The following CLVS2 variants were observed in gnomAD, a reference collection of about 807,000 sequenced individuals.
CLVS2 encodes clavesin 2.
Under a neutral mutation model 29.0 loss-of-function variants are expected in CLVS2, and 19 were observed. The ratio of observed to expected loss-of-function variants is 0.66; its 90% CI spans 0.46 to 0.96. The LOEUF (loss-of-function observed/expected upper bound fraction) is 0.96. CLVS2 is among the 40% of genes least tolerant of loss of function. The pLI, the probability that CLVS2 is intolerant of heterozygous loss-of-function variation, is 0.00. For missense variants in CLVS2, 294 were observed against 404.1 expected (o/e 0.73, Z 2.34); for synonymous variants, 161 against 151.3 (o/e 1.06, Z -0.47).
intron 3 of CLVS2, among the ~76,000 whole-genome samples, chr6:123,025,885 A>G (rs1159211599): frequency 2.0e-5 from 3 of 152,086 alleles, no homozygotes; most frequent in Admixed American, 1.3e-4. Context: ...TGCTCCTGAG[A>G]TCACTCCCTG....
intron 3 of CLVS2, among the ~76,000 whole-genome samples, chr6:123,041,292 G>A (rs143369461): frequency 3.6e-4 from 55 of 152,202 alleles, no homozygotes; most frequent in African/African-American, 1.3e-3. Context: ...CCAAAGCAAT[G>A]CAGCCAAATC....
At position 122,998,722 on chromosome 6, in the gene CLVS2, C is replaced by G. The variant is rs144165735; in HGVS notation, c.389+556C>G. Among the ~76,000 whole-genome samples, 370 of 152,228 alleles carry G rather than the reference C, an allele frequency of 2.4e-3. 4 individuals are homozygous for G. Among genetic ancestry groups the G allele is most frequent in the Non-Finnish European group, 6.2e-4 (42 of 68,022 alleles). On this transcript the variant is annotated intron_variant, in intron 2 of 5. Coordinates refer to ENST00000275162, the MANE Select transcript of CLVS2 (RefSeq NM_001010852.4). ...GAAGAAGGAATAATATGATTTGTGT[C>G]CCTTCAGTGAAAGGAAGAGTTGCAT...
intron 3 of CLVS2, among the ~76,000 whole-genome samples, chr6:123,046,395 C>T (rs888473838): frequency 6.6e-6 from 1 of 152,096 alleles, no homozygotes; most frequent in African/African-American, 2.4e-5. Context: ...TGCAGTAGCT[C>T]ACGCCTGTAA....
At chr6:123,017,113 T>C (rs1030475266) in intron 3 of CLVS2, among the ~76,000 whole-genome samples, 4 of 147,674 alleles carry the variant, frequency 2.7e-5, no homozygotes, top group African/African-American at 1.0e-4. Context: ...TGTGTGTGTG[T>C]GTGCGTAAGA....
intron 3 of CLVS2, among the ~76,000 whole-genome samples, chr6:123,048,149 A>T (rs1772543782): frequency 1.3e-5 from 2 of 152,118 alleles, no homozygotes; most frequent in Admixed American, 1.3e-4. Context: ...AGATAAAGAG[A>T]ATAAAATGAG....
chr6:122,997,804 C>A lies in CLVS2; in HGVS notation c.27C>A (p.Ser9=). The A allele has an allele frequency of 6.2e-7, 1 of 1,614,034 alleles. No individual in the cohort carries two copies. The highest frequency in any genetic ancestry group is 8.5e-7 in the Non-Finnish European group (1 of 1,180,014). MTHLQAGL[S]PETLEKARLE... is the part of the protein sequence containing the mutation. ...TGACTCATTTGCAAGCCGGTCTCTC[C>A]CCTGAGACCCTGGAGAAAGCTCGCC... Residue 9 remains serine, a synonymous_variant, in exon 2 of 6, where the codon TCC becomes TCA. Coordinates refer to ENST00000275162, the MANE Select transcript of CLVS2 (RefSeq NM_001010852.4).
rs1310609786 is a variant in CLVS2 at position 123,071,877 on chromosome 6, A to G, written c.*8116A>G. The G allele has an allele frequency of 6.6e-6, 1 of 152,040 alleles. No individual in the cohort carries two copies. Among genetic ancestry groups the G allele is most frequent in the East Asian group, 1.9e-4 (1 of 5,188 alleles). 9.4% of individuals were successfully genotyped at this position (152,040 alleles called of 1,614,324 possible). ...TGAAAATTTATAGCTGTGACACAAG[A>G]TGATAGAAATTGCTCATGCTCACAT... On this transcript the variant is annotated 3_prime_UTR_variant, in exon 6 of 6. Transcript: ENST00000275162.
In CLVS2 at chr6:123,071,068, T is replaced by C. The variant is rs1772940789; in HGVS notation, c.*7307T>C. ...TTATCACCTGATACACCATACAGAT[T>C]ATTTATTTACTTTGCATTTCCCCCC... is the stretch of plus-strand genomic sequence containing the variant. On this transcript the variant is annotated 3_prime_UTR_variant, in exon 6 of 6. Coordinates refer to ENST00000275162, the MANE Select transcript of CLVS2 (RefSeq NM_001010852.4). The C allele has an allele frequency of 1.3e-5, 2 of 152,110 alleles. No homozygotes were observed. The highest frequency in any genetic ancestry group is 4.1e-4 in the South Asian group (2 of 4,828). 9.4% of individuals were successfully genotyped at this position (152,110 alleles called of 1,614,324 possible). A position where few individuals can be genotyped will look rare whatever the true frequency, so the allele number is the denominator to read the frequency against.
rs1772834344 is a variant in CLVS2, at chr6:123,065,180, T to G, written c.*1419T>G. ...TATTTAACATTTTATTTCATAAAAT[T>G]TATACAATTACAGCAAATCTTAATT... On this transcript the variant is annotated 3_prime_UTR_variant, in exon 6 of 6. Transcript: ENST00000275162. 1 of 151,868 alleles carries G rather than the reference T, an allele frequency of 6.6e-6. No homozygotes were observed. The allele number at this position is 151,868 out of a possible 1,614,324, so 9.4% of individuals were successfully genotyped here. A position where few individuals can be genotyped will look rare whatever the true frequency, so the allele number is the denominator to read the frequency against.
At position 123,070,617 on chromosome 6, in the gene CLVS2, G is replaced by T. The variant is rs1420997840; in HGVS notation, c.*6856G>T. On this transcript the variant is annotated 3_prime_UTR_variant, in exon 6 of 6. Coordinates refer to ENST00000275162, the MANE Select transcript of CLVS2 (RefSeq NM_001010852.4). ...ATGTCTTTATATCAGTGTATGAGAAGTCTTGATATGAAGGCAGTAAGCACC... is the reference window on the plus strand; with the variant it reads ...ATGTCTTTATATCAGTGTATGAGAATTCTTGATATGAAGGCAGTAAGCACC... 1 of 151,932 alleles carries T rather than the reference G, an allele frequency of 6.6e-6. No individual in the cohort carries two copies. The highest frequency in any genetic ancestry group is 1.9e-4 in the East Asian group (1 of 5,178). The allele number at this position is 151,932 out of a possible 1,614,324, so 9.4% of individuals were successfully genotyped here. A position where few individuals can be genotyped will look rare whatever the true frequency, so the allele number is the denominator to read the frequency against.
At chr6:123,035,199 G>A (rs1166410467) in intron 3 of CLVS2, among the ~76,000 whole-genome samples, 1 of 151,908 alleles carries the variant, frequency 6.6e-6, no homozygotes, top group Non-Finnish European at 1.5e-5. Flanking sequence ...ATTCTTCAAA[G>A]TAAAATCTAC....
chr6:123,028,359 C>T (rs1775032454), intron 3 of CLVS2, among the ~76,000 whole-genome samples: 1 of 152,124 alleles, frequency 6.6e-6, no homozygotes, highest in Admixed American at 6.5e-5. Context: ...AATCGCTGAA[C>T]ATCTTGTGTA....
intron 3 of CLVS2, among the ~76,000 whole-genome samples, chr6:123,040,111 C>T (rs1775206973): frequency 6.6e-6 from 1 of 152,092 alleles, no homozygotes. Flanking sequence ...TTAGGCTTCA[C>T]CAAGTGATCA....
intron 5 of CLVS2, among the ~76,000 whole-genome samples, chr6:123,058,638 G>C (rs576783644): frequency 6.6e-6 from 1 of 151,968 alleles, no homozygotes; most frequent in East Asian, 1.9e-4. Flanking sequence ...TCACATCTTG[G>C]CTTTATTTTT....
At chr6:123,054,305 A>T (rs1017619688) in intron 4 of CLVS2, among the ~76,000 whole-genome samples, 2 of 152,218 alleles carry the variant, frequency 1.3e-5, no homozygotes, top group Non-Finnish European at 1.5e-5. Flanking sequence ...GGATATAAAT[A>T]CTGGCTGTTG....
chr6:123,023,891 T>G (rs1362046443), intron 3 of CLVS2, among the ~76,000 whole-genome samples: 1 of 152,112 alleles, frequency 6.6e-6, no homozygotes, highest in Non-Finnish European at 1.5e-5. Context: ...GGTATTGTGA[T>G]GATTATATGA....
chr6:123,058,194 A>G (rs948320416), intron 5 of CLVS2, among the ~76,000 whole-genome samples: 2 of 152,116 alleles, frequency 1.3e-5, no homozygotes, highest in African/African-American at 2.4e-5. Context: ...TGTTAAACAG[A>G]TACTGCATCC....
intron 3 of CLVS2, among the ~76,000 whole-genome samples, chr6:123,033,127 A>G (rs1582655232): frequency 1.3e-5 from 2 of 152,074 alleles, no homozygotes; most frequent in Non-Finnish European, 2.9e-5. Context: ...CACTAATATT[A>G]TTTGGTTCAT....
rs569448487 is a variant in CLVS2, at chr6:123,063,804, T to C, written c.*43T>C. 4.3e-6 allele frequency: 6 copies of C among 1,381,232 alleles called. No individual in the cohort carries two copies. The East Asian group carries it at 1.1e-4, about 26-fold the overall frequency. 85.6% of individuals were successfully genotyped at this position (1,381,232 alleles called of 1,614,324 possible). A position where few individuals can be genotyped will look rare whatever the true frequency, so the allele number is the denominator to read the frequency against. Reference sequence around the variant, plus strand: ...CTTCATGGATTAGAAATGGAAAGTATTGGTTTTCAGCAACAGGGACAACAC... The same window carrying C: ...CTTCATGGATTAGAAATGGAAAGTACTGGTTTTCAGCAACAGGGACAACAC... On this transcript the variant is annotated 3_prime_UTR_variant, in exon 6 of 6. Transcript: ENST00000275162.
Sources: gnomAD v4.1 joint callset for allele counts (sites outside exome capture counted in the v4.1 genomes callset) on GRCh38, gnomAD v4.1.1 for gene constraint, MANE v1.5 for transcripts, NCBI Gene and HGNC (gene_info 2026-07-23, HGNC 2026-07-21) for gene names.